The following SMTNL2 variants were observed in gnomAD, a reference collection of about 807,000 sequenced individuals.
The protein encoded by SMTNL2 is smoothelin like 2.
SMTNL2 carries 43 observed loss-of-function variants against 44.1 expected under a neutral mutation model. The ratio of observed to expected loss-of-function variants is 0.98; its 90% CI spans 0.76 to 1.26. SMTNL2 has a LOEUF of 1.26. Ranked by LOEUF, SMTNL2 falls within the 50% of genes most tolerant of loss-of-function variation. The pLI, the probability that SMTNL2 is intolerant of heterozygous loss-of-function variation, is 0.00. For missense variants in SMTNL2, 646 were observed against 670.2 expected (o/e 0.96, Z 0.40); for synonymous variants, 317 against 287.6 (o/e 1.10, Z -1.03).
chr17:4,597,777 A>C (rs549279332), intron 7 of SMTNL2, among the ~76,000 whole-genome samples: 1 of 152,280 alleles, frequency 6.6e-6, no homozygotes, highest in South Asian at 2.1e-4. Flanking sequence ...TGCTTCCAAT[A>C]AGATTTTCCT....
chr17:4,589,472 C>T (rs1024592678), intron 1 of SMTNL2, among the ~76,000 whole-genome samples: 3 of 152,146 alleles, frequency 2.0e-5, no homozygotes, highest in Non-Finnish European at 4.4e-5. Flanking sequence ...TCTAGGGGCA[C>T]CCGTTCTGCT....
rs544835768 is a variant in SMTNL2, at chr17:4,595,040, G to A, written c.807-105G>A. 20 of 1,487,672 alleles carry A rather than the reference G, an allele frequency of 1.3e-5. No individual in the cohort carries two copies. Among genetic ancestry groups the A allele is most frequent in the African/African-American group, 2.8e-5 (2 of 72,484 alleles). 92.2% of individuals were successfully genotyped at this position (1,487,672 alleles called of 1,614,324 possible). The stretch of plus-strand genomic sequence containing the variant: ...GGCCTCTTCTCTGAGCGCCCATCAC[G>A]GTGCAGGCTGCCTTGTCCACACTCA... On this transcript the variant is annotated intron_variant, in intron 4 of 7. Transcript: ENST00000389313. The surrounding 1 kb of genome is among the most constrained non-coding windows in gnomAD (Gnocchi z 5.1).
At position 4,592,008 on chromosome 17, in the gene SMTNL2, C is replaced by T. The variant is rs1043404954; in HGVS notation, c.400-353C>T. Among the ~76,000 whole-genome samples, 4 of 152,184 alleles carry T rather than the reference C, an allele frequency of 2.6e-5. No individual in the cohort carries two copies. The highest frequency in any genetic ancestry group is 5.9e-5 in the Non-Finnish European group (4 of 68,024). On this transcript the variant is annotated intron_variant, in intron 1 of 7. Coordinates refer to ENST00000389313, the MANE Select transcript of SMTNL2 (RefSeq NM_001114974.2). The surrounding 1 kb of genome is among the most constrained non-coding windows in gnomAD (Gnocchi z 4.5). ...GCCGACCTGGCCCAGCTGAGAGGGG[C>T]AGGGGGCGAGGCACTCCTGACCCCA...
At chr17:4,591,605 G>A (rs1347289653) in intron 1 of SMTNL2, among the ~76,000 whole-genome samples, 1 of 152,260 alleles carries the variant, frequency 6.6e-6, no homozygotes, top group Non-Finnish European at 1.5e-5. Context: ...CGGAAAAAGG[G>A]CTGGATGTTT....
intron 7 of SMTNL2, among the ~76,000 whole-genome samples, chr17:4,605,279 A>G (rs1477470745): frequency 6.9e-6 from 1 of 144,500 alleles, no homozygotes; most frequent in East Asian, 2.1e-4. Context: ...CTCTCACCTC[A>G]GCCTTGAGTA....
At chr17:4,593,687 G>A (rs1461494489) in intron 3 of SMTNL2, 135 bp from the exon 4 acceptor site, 2 of 816,582 alleles carry the variant, frequency 2.4e-6, no homozygotes, top group East Asian at 2.7e-5. Context: ...GGCAGGGCCA[G>A]CTTAGCCCAG....
Position 4,596,950 on chromosome 17 carries a change from G to A in SMTNL2, c.1080G>A (p.Trp360Ter). 1 of 1,523,408 alleles carries A rather than the reference G, an allele frequency of 6.6e-7. No homozygotes were observed. Among genetic ancestry groups the A allele is most frequent in the Non-Finnish European group, 8.9e-7 (1 of 1,128,986 alleles). 94.4% of individuals were successfully genotyped at this position (1,523,408 alleles called of 1,614,324 possible). A position where few individuals can be genotyped will look rare whatever the true frequency, so the allele number is the denominator to read the frequency against. ...GCATCAAGCAGATCCTGCTCGAGTG[G>A]TGCCGCAGCAAGACGCTGGGCTACC... Reference protein sequence around the residue: ...ASSIKQILLEWCRSKTLGYQH... With the variant: ...ASSIKQILLE The change falls in exon 6 of 8, where the codon TGG (tryptophan) becomes TGA (stop). Residue 360 changes from tryptophan to a stop codon, truncating the protein, a stop_gained. Transcript: ENST00000389313. LOFTEE classifies it high-confidence loss of function.
Position 4,597,255 on chromosome 17 carries a change from C to T in SMTNL2, c.1191C>T (p.Ala397=), listed in dbSNP as rs557600380. 16 of 1,614,206 alleles carry T rather than the reference C, an allele frequency of 9.9e-6. No homozygotes were observed. The East Asian group carries it at 3.3e-4, about 34-fold the overall frequency. Residue 397 remains alanine, a synonymous_variant, in exon 7 of 8, where the codon GCC becomes GCT. Coordinates refer to ENST00000389313, the MANE Select transcript of SMTNL2 (RefSeq NM_001114974.2). ...CALVHSFFPD[A]FDYNSLSPTQ... ...TGGTACACTCCTTCTTCCCCGATGCCTTTGACTACAACTCCCTGAGCCCCA... is the reference window on the plus strand; with the variant it reads ...TGGTACACTCCTTCTTCCCCGATGCTTTTGACTACAACTCCCTGAGCCCCA...
At chr17:4,589,773 C>T (rs12939445) in intron 1 of SMTNL2, among the ~76,000 whole-genome samples, 1 of 152,010 alleles carries the variant, frequency 6.6e-6, no homozygotes. Context: ...GTCTTCATTT[C>T]TCTGGGACCC....
intron 1 of SMTNL2, among the ~76,000 whole-genome samples, chr17:4,591,107 G>C (rs1165964908): frequency 6.6e-6 from 1 of 152,208 alleles, no homozygotes; most frequent in African/African-American, 2.4e-5. Flanking sequence ...GCCCCACTGG[G>C]TCAGATGAAG....
chr17:4,605,616 T>C (rs545547646), intron 7 of SMTNL2, among the ~76,000 whole-genome samples: 4 of 152,200 alleles, frequency 2.6e-5, no homozygotes, highest in South Asian at 2.1e-4. Context: ...CCCACAGATA[T>C]ATAGCTCGGA....
intron 4 of SMTNL2, among the ~76,000 whole-genome samples, chr17:4,594,557 A>G (rs1909724849): frequency 6.6e-6 from 1 of 152,156 alleles, no homozygotes; most frequent in Non-Finnish European, 1.5e-5. Context: ...GTCTTCTTCC[A>G]TCCCAGCCAG....
intron 7 of SMTNL2, among the ~76,000 whole-genome samples, chr17:4,603,849 T>C (rs1910144757): frequency 2.6e-5 from 4 of 151,760 alleles, no homozygotes; most frequent in Admixed American, 6.6e-5. Flanking sequence ...TTTTCTTTCC[T>C]TTTTTTTCCC....
chr17:4,596,917 C>A lies in SMTNL2; in HGVS notation c.1047C>A (p.Ser349Arg), dbSNP rs371435041. 2.0e-6 allele frequency: 3 copies of A among 1,524,816 alleles called. No homozygotes were observed. The highest frequency in any genetic ancestry group is 1.8e-6 in the Non-Finnish European group (2 of 1,130,554). The allele number at this position is 1,524,816 out of a possible 1,614,324, so 94.5% of individuals were successfully genotyped here. Reference protein sequence around the residue: ...LKRSQSFGVASASSIKQILLE... With the variant: ...LKRSQSFGVARASSIKQILLE... ...GGTCGCAGAGCTTCGGCGTGGCCAGCGCCAGCAGCATCAAGCAGATCCTGC... is the reference window on the plus strand; with the variant it reads ...GGTCGCAGAGCTTCGGCGTGGCCAGAGCCAGCAGCATCAAGCAGATCCTGC... The change falls in exon 6 of 8, where the codon AGC (serine) becomes AGA (arginine). Residue 349 changes from serine (S) to arginine (R), a missense_variant. Transcript: ENST00000389313.
chr17:4,592,927 A>G lies in SMTNL2; in HGVS notation c.488-2A>G, dbSNP rs1909638566. 1.2e-6 allele frequency: 2 copies of G among 1,609,096 alleles called. No homozygotes were observed. The highest frequency in any genetic ancestry group is 1.7e-6 in the Non-Finnish European group (2 of 1,176,376). ...CCCACCCATGCTGGTCACATGTTCC[A>G]GGTCCAGGCGATGGACCCCCTGAGA... On this transcript the variant is annotated splice_acceptor_variant, in intron 2 of 7. Coordinates refer to ENST00000389313, the MANE Select transcript of SMTNL2 (RefSeq NM_001114974.2). LOFTEE classifies it high-confidence loss of function. The surrounding 1 kb of genome is among the most constrained non-coding windows in gnomAD (Gnocchi z 4.5).
At chr17:4,593,205 C>A in intron 3 of SMTNL2, 34 bp downstream of exon 3, 1 of 1,541,070 alleles carries the variant, frequency 6.5e-7, no homozygotes, top group Non-Finnish European at 8.8e-7. Flanking sequence ...TGGGGCAGAC[C>A]TCCCCTTGGG....
At chr17:4,605,504 T>C (rs2150526902) in intron 7 of SMTNL2, among the ~76,000 whole-genome samples, 1 of 152,268 alleles carries the variant, frequency 6.6e-6, no homozygotes, top group South Asian at 2.1e-4. Flanking sequence ...CCCTTTGCTG[T>C]TCCACCTGAT....
Position 4,596,892 on chromosome 17 carries a change from G to A in SMTNL2, c.1022G>A (p.Arg341Gln), listed in dbSNP as rs761767745. ...GKGEARARLK[R>Q]SQSFGVASAS... ...GGCGAGGCCCGGGCCAGGCTGAAGC[G>A]GTCGCAGAGCTTCGGCGTGGCCAGC... Residue 341 changes from arginine to glutamine, a missense_variant, in exon 6 of 8, where the codon CGG (arginine) becomes CAG (glutamine). Arg to Gln is a conservative substitution (Grantham distance 43, BLOSUM62 1). Transcript: ENST00000389313. The A allele has an allele frequency of 3.3e-6, 5 of 1,514,278 alleles. No homozygotes were observed. The highest frequency in any genetic ancestry group is 1.2e-5 in the South Asian group (1 of 82,304). The allele number at this position is 1,514,278 out of a possible 1,614,324, so 93.8% of individuals were successfully genotyped here.
chr17:4,588,207 C>CT (rs1342135588), intron 1 of SMTNL2, among the ~76,000 whole-genome samples: 1 of 152,238 alleles, frequency 6.6e-6, no homozygotes, highest in Non-Finnish European at 1.5e-5. Context: ...CTGCGTGGGT[C>CT]TCGTCCCCAT....
Sources: allele counts gnomAD v4.1 joint callset (sites outside exome capture counted in the v4.1 genomes callset), GRCh38; gene constraint gnomAD v4.1.1; non-coding constraint Gnocchi (gnomAD v3.1); transcripts MANE v1.5; gene names NCBI Gene and HGNC (gene_info 2026-07-23, HGNC 2026-07-21).